CFH: variants seen among roughly 807,000 people sequenced by gnomAD.
The protein encoded by CFH is complement factor H, also known as H factor 1 (complement).
CFH carries 53 observed loss-of-function variants against 147.3 expected under a neutral mutation model. That is an observed-to-expected ratio of 0.36 (90% CI 0.29 to 0.45). The LOEUF is 0.45. CFH is among the 20% of genes least tolerant of loss of function. The pLI, the probability that CFH is intolerant of heterozygous loss-of-function variation, is 1.00. For missense variants in CFH, 1,380 were observed against 1,498.0 expected (o/e 0.92, Z 1.30); for synonymous variants, 536 against 489.4 (o/e 1.10, Z -1.26).
chr1:196,716,155 C>T (rs1481378502), intron 11 of CFH, among the ~76,000 whole-genome samples: 1 of 151,972 alleles, frequency 6.6e-6, no homozygotes, highest in Non-Finnish European at 1.5e-5. Flanking sequence ...TCTGTACTTT[C>T]TGAGTGTAGT....
intron 1 of CFH, among the ~76,000 whole-genome samples, chr1:196,671,613 C>G (rs895305184): frequency 1.3e-5 from 2 of 150,164 alleles, no homozygotes; most frequent in Non-Finnish European, 3.0e-5. Context: ...CACACACACA[C>G]ACACACACAC....
intron 1 of CFH, among the ~76,000 whole-genome samples, chr1:196,664,397 G>A (rs957337941): frequency 1.3e-5 from 2 of 152,108 alleles, no homozygotes; most frequent in African/African-American, 4.8e-5. Context: ...TAAGTGATAA[G>A]ATTAATCTGA....
intron 9 of CFH, among the ~76,000 whole-genome samples, chr1:196,712,080 C>T (rs1668735164): frequency 6.6e-6 from 1 of 152,090 alleles, no homozygotes. Context: ...GAAAATTTCT[C>T]CCAGCATAAA....
rs1653054220 is a variant in CFH, at chr1:196,747,393, T to A, written c.*80T>A. ...CAATTTCATTTTTTATGTATTGTTT[T>A]ACTCCTTTTTATTCATACGTAAAAT... On this transcript the variant is annotated 3_prime_UTR_variant, in exon 22 of 22. Transcript: ENST00000367429. The A allele has an allele frequency of 1.9e-6, 3 of 1,562,732 alleles. No homozygotes were observed. The highest frequency in any genetic ancestry group is 1.7e-4 in the Middle Eastern group (1 of 5,982).
At chr1:196,745,730 A>G in intron 20 of CFH, 87 bp from the exon 21 acceptor site, 1 of 1,560,078 alleles carries the variant, frequency 6.4e-7, no homozygotes, top group Non-Finnish European at 8.8e-7. Flanking sequence ...GATATTATAT[A>G]CAGTGCTGTG....
intron 14 of CFH, 137 bp downstream of exon 14, chr1:196,727,077 C>A (rs939612954): frequency 5.4e-6 from 4 of 733,992 alleles, no homozygotes; most frequent in African/African-American, 1.8e-5. Context: ...CAATCTTTTG[C>A]ATATTGCTTA....
At chr1:196,735,429 C>T (rs1329427) in intron 15 of CFH, among the ~76,000 whole-genome samples, 66,783 of 151,818 alleles carry the variant, frequency 0.44, 14,834 homozygotes, top group South Asian at 0.56. Context: ...TATACTGGGT[C>T]ACAATGTTCT....
chr1:196,726,647 G>T lies in CFH; in HGVS notation c.2051G>T (p.Cys684Phe), dbSNP rs1669146541. ...VDGEWTTLPV[C>F]IVEESTCGDI... The stretch of plus-strand genomic sequence containing the variant: ...GGAGAGTGGACAACTTTACCAGTGT[G>T]TATTGGTAATGTATAAAATATTAAT... The change falls in exon 13 of 22, where the codon TGT becomes TTT. Residue 684 changes from cysteine to phenylalanine, a missense_variant. Physicochemically the swap from Cys to Phe is radical, Grantham distance 205 (BLOSUM62 -2). Around this residue, in one of 4 missense-constraint regions of CFH, gnomAD observed 830 missense variants for 821.4 expected, o/e 1.01. Transcript: ENST00000367429. The T allele has an allele frequency of 6.2e-7, 1 of 1,606,626 alleles. No homozygotes were observed. Among genetic ancestry groups the T allele is most frequent in the Non-Finnish European group, 8.5e-7 (1 of 1,173,542 alleles).
chr1:196,684,565 T>C (rs1330957030), intron 6 of CFH, among the ~76,000 whole-genome samples: 1 of 151,936 alleles, frequency 6.6e-6, no homozygotes. Flanking sequence ...ATTCACACAA[T>C]GGCTTTTAAA....
intron 1 of CFH, among the ~76,000 whole-genome samples, chr1:196,671,848 C>T (rs1346049183): frequency 1.3e-5 from 2 of 148,940 alleles, no homozygotes; most frequent in Non-Finnish European, 3.0e-5. Context: ...CTTAAATGCT[C>T]ATATATAAAT....
intron 1 of CFH, among the ~76,000 whole-genome samples, chr1:196,663,361 C>G (rs900081712): frequency 3.3e-5 from 5 of 152,140 alleles, no homozygotes; most frequent in African/African-American, 1.2e-4. Context: ...TGCTATTAAG[C>G]TGTCCATTGA....
chr1:196,689,785 G>A (rs894037471), intron 8 of CFH, among the ~76,000 whole-genome samples, 171 bp downstream of exon 8: 1 of 152,020 alleles, frequency 6.6e-6, no homozygotes, highest in Admixed American at 6.6e-5. Context: ...GTTTCTTCTT[G>A]AAAATCACAG....
intron 11 of CFH, among the ~76,000 whole-genome samples, chr1:196,717,392 A>T (rs1668896171): frequency 6.6e-6 from 1 of 152,124 alleles, no homozygotes; most frequent in Non-Finnish European, 1.5e-5. Context: ...AAAGTCAAAG[A>T]AGTTGTAATT....
At chr1:196,690,939 T>G (rs1423081369) in intron 9 of CFH, among the ~76,000 whole-genome samples, 1 of 152,124 alleles carries the variant, frequency 6.6e-6, no homozygotes, top group African/African-American at 2.4e-5. Context: ...TGAACATGCC[T>G]AGTCCCAGGT....
chr1:196,692,794 CTTTCTTTCTTTCTTTCTT>C (rs1668101025), intron 9 of CFH, among the ~76,000 whole-genome samples: 1 of 75,934 alleles, frequency 1.3e-5, no homozygotes, highest in East Asian at 3.3e-4. Flanking sequence ...TTCTTTCTTT[CTTTCTTTCTTTCTTTCTT>C]TCTTTCTTTC....
At chr1:196,654,313 T>C (rs1346532539) in intron 1 of CFH, among the ~76,000 whole-genome samples, 1 of 152,138 alleles carries the variant, frequency 6.6e-6, no homozygotes, top group Non-Finnish European at 1.5e-5. Context: ...GCAGGAATAA[T>C]TTGTAATTTC....
intron 19 of CFH, among the ~76,000 whole-genome samples, chr1:196,742,901 T>A (rs1573082354): frequency 6.6e-6 from 1 of 152,304 alleles, no homozygotes; most frequent in East Asian, 1.9e-4. Flanking sequence ...TTTCCACATC[T>A]CCAATTTGGA....
chr1:196,736,807 T>G lies in CFH; in HGVS notation c.2414-17T>G. The G allele has an allele frequency of 1.6e-6, 2 of 1,218,040 alleles. No individual in the cohort carries two copies. The highest frequency in any genetic ancestry group is 2.1e-6 in the Non-Finnish European group (2 of 941,420). 75.5% of individuals were successfully genotyped at this position (1,218,040 alleles called of 1,614,324 possible). A position where few individuals can be genotyped will look rare whatever the true frequency, so the allele number is the denominator to read the frequency against. ...ATTTTTTATTATAACATTAATTATA[T>G]TTTTAATATTTTTTAGTGGCACAAA... On this transcript the variant is annotated splice_polypyrimidine_tract_variant and intron_variant, in intron 15 of 21. Transcript: ENST00000367429.
chr1:196,731,649 A>G (rs1669282733), intron 15 of CFH, among the ~76,000 whole-genome samples: 2 of 151,128 alleles, frequency 1.3e-5, no homozygotes, highest in African/African-American at 4.9e-5. Context: ...ACCTTCAAGA[A>G]CTCCCTTTAA....
Sources: allele counts gnomAD v4.1 joint callset (sites outside exome capture counted in the v4.1 genomes callset), GRCh38; gene constraint gnomAD v4.1.1; regional missense constraint gnomAD v4.1.1; transcripts MANE v1.5; gene names NCBI Gene and HGNC (gene_info 2026-07-23, HGNC 2026-07-21).